SIKE1: variants seen among roughly 807,000 people sequenced by gnomAD.
SIKE1 encodes suppressor of IKK epsilon.
Under a neutral mutation model 25.8 loss-of-function variants are expected in SIKE1, and 13 were observed. That is an observed-to-expected ratio of 0.50 (90% confidence interval 0.33 to 0.80). The LOEUF (loss-of-function observed/expected upper bound fraction) is 0.80. Ranked by LOEUF, SIKE1 falls within the 30% of genes least tolerant of loss-of-function variation. The probability of loss-of-function intolerance (pLI) is 0.02; values close to 1 mark genes in which losing one functional copy is unlikely to be tolerated. For synonymous variants in SIKE1, 86 were observed against 95.5 expected (o/e 0.90, Z 0.58); for missense variants, 222 against 252.4 (o/e 0.88, Z 0.82).
Position 114,779,274 on chromosome 1 carries a change from A to T in SIKE1, c.276T>A (p.Ile92=). 1.9e-6 allele frequency: 3 copies of T among 1,614,126 alleles called. No individual in the cohort carries two copies. The highest frequency in any genetic ancestry group is 1.7e-5 in the Admixed American group (1 of 59,992). ...DLQQENRELW[I]SLEEHQDALE... is the part of the protein sequence containing the mutation. Reference sequence around the variant, plus strand: ...AAGCATCCTGGTGTTCCTCCAAGGAAATCCATAGCTCTGTCAAAAAATAAA... The same window carrying T: ...AAGCATCCTGGTGTTCCTCCAAGGATATCCATAGCTCTGTCAAAAAATAAA... Residue 92 remains isoleucine (I), a synonymous_variant, in exon 3 of 5, where the codon ATT becomes ATA. Transcript: ENST00000060969.
At position 114,780,200 on chromosome 1, in the gene SIKE1, A is replaced by T. The variant is rs762511760; in HGVS notation, c.175T>A (p.Ser59Thr). Residue 59 changes from serine to threonine, a missense_variant, in exon 2 of 5, where the codon TCC becomes ACC. Physicochemically the swap from Ser to Thr is moderately conservative, Grantham distance 58 (BLOSUM62 1). Transcript: ENST00000060969. ...TATTTGGACATGTCCTTCATATCGG[A>T]TGCATCCTCTTGATACTGGACAAAT... is the stretch of plus-strand genomic sequence containing the variant. ...ALPDQYQEDA[S>T]DMKDMSKYKP... 25 of 1,613,000 alleles carry T rather than the reference A, an allele frequency of 1.5e-5. No individual in the cohort carries two copies. Among genetic ancestry groups the T allele is most frequent in the Non-Finnish European group, 2.1e-5 (25 of 1,179,432 alleles).
Position 114,779,998 on chromosome 1 carries a change from G to A in SIKE1, c.265+112C>T, listed in dbSNP as rs1436155447. ...TATTGTTACTGGGCCAGATCAGGAG[G>A]ACTCTCCTACTAAAAGTACTGACCT... is the stretch of plus-strand genomic sequence containing the variant. On this transcript the variant is annotated intron_variant, in intron 2 of 4. Transcript: ENST00000060969. The A allele has an allele frequency of 9.9e-6, 7 of 709,492 alleles. No homozygotes were observed. In the East Asian group the frequency reaches 1.8e-4, roughly 18 times the overall value. 43.9% of individuals were successfully genotyped at this position (709,492 alleles called of 1,614,324 possible).
At position 114,776,397 on chromosome 1, in the gene SIKE1, C is replaced by G; in HGVS notation, c.471G>C (p.Gln157His). The G allele has an allele frequency of 1.2e-6, 2 of 1,613,836 alleles. No individual in the cohort carries two copies. Among genetic ancestry groups the G allele is most frequent in the Non-Finnish European group, 8.5e-7 (1 of 1,179,854 alleles). The change falls in exon 4 of 5, where the codon CAG (glutamine) becomes CAC (histidine). Residue 157 changes from glutamine to histidine, a missense_variant. Coordinates refer to ENST00000060969, the MANE Select transcript of SIKE1 (RefSeq NM_025073.3). ...TCTTACAAAACTGGTCATCATCCAC[C>G]TGAACTGCTTTCCTCATCACTTCTC... ...EMGEVMRKAV[Q>H]VDDDQFCKIQ...
chr1:114,780,463 C>T lies in SIKE1; in HGVS notation c.145G>A (p.Ala49Thr), dbSNP rs760317746. Residue 49 changes from alanine (A) to threonine (T), a missense_variant, in exon 1 of 5, where the codon GCG (alanine) becomes ACG (threonine). Ala to Thr is a moderately conservative substitution (Grantham distance 58). Coordinates refer to ENST00000060969, the MANE Select transcript of SIKE1 (RefSeq NM_025073.3). ...CTCTGCCTGACCTGGTCCGGAAGCG[C>T]TGTCCCCGCCTCCCGCATAGCTGCT... is the stretch of plus-strand genomic sequence containing the variant. ...RVAAMREAGTALPDQYQEDAS... is the reference protein window; with the variant it reads ...RVAAMREAGTTLPDQYQEDAS... The T allele has an allele frequency of 6.2e-6, 10 of 1,613,074 alleles. No homozygotes were observed. In the East Asian group the frequency reaches 2.0e-4, roughly 32 times the overall value.
intron 4 of SIKE1, among the ~76,000 whole-genome samples, chr1:114,776,050 T>C (rs1191721380): frequency 4.6e-5 from 7 of 152,214 alleles, no homozygotes; most frequent in Non-Finnish European, 8.8e-5. Flanking sequence ...TCACTTCTTA[T>C]TATGGCAGAT....
In SIKE1 at chr1:114,774,376, GAA is replaced by G; in HGVS notation, c.523-6_523-5del. On this transcript the variant is annotated splice_region_variant and splice_polypyrimidine_tract_variant and intron_variant, in intron 4 of 4. Coordinates refer to ENST00000060969, the MANE Select transcript of SIKE1 (RefSeq NM_025073.3). ...CTCGAAGTTCCTTATTTTCAAGCTG[GAA>G]AAAAAAAGGCATGTTTATTTCTGGT... 1 of 1,561,084 alleles carries G rather than the reference GAA, an allele frequency of 6.4e-7. No homozygotes were observed. Among genetic ancestry groups the G allele is most frequent in the Non-Finnish European group, 8.7e-7 (1 of 1,148,360 alleles).
intron 3 of SIKE1, 36 bp downstream of exon 3, chr1:114,779,106 A>G (rs201299264): frequency 6.2e-6 from 10 of 1,608,170 alleles, no homozygotes; most frequent in Non-Finnish European, 8.5e-6. Context: ...CAAGATTTCA[A>G]TTTGGTTCAT....
At chr1:114,780,057 G>A in intron 2 of SIKE1, 53 bp downstream of exon 2, 1 of 1,285,094 alleles carries the variant, frequency 7.8e-7, no homozygotes, top group Non-Finnish European at 1.1e-6. Flanking sequence ...AATGTTTAGG[G>A]CAATTTTGCA....
chr1:114,779,720 C>A (rs1046638822), intron 2 of SIKE1, among the ~76,000 whole-genome samples: 1 of 152,174 alleles, frequency 6.6e-6, no homozygotes, highest in African/African-American at 2.4e-5. Context: ...AGAATATATA[C>A]CCTTAGAATA....
rs1662020687 is a variant in SIKE1 at position 114,769,935 on chromosome 1, G to A, written c.*4336C>T. ...CATTTAAATATAAGTCCCAAATTAT[G>A]TATAAAGTGTTGATAAAATTTATAT... On this transcript the variant is annotated 3_prime_UTR_variant, in exon 5 of 5. Transcript: ENST00000060969. The A allele has an allele frequency of 6.6e-6, 1 of 152,172 alleles. No individual in the cohort carries two copies. Among genetic ancestry groups the A allele is most frequent in the Non-Finnish European group, 1.5e-5 (1 of 68,040 alleles). 9.4% of individuals were successfully genotyped at this position (152,172 alleles called of 1,614,324 possible).
intron 2 of SIKE1, 73 bp from the exon 3 acceptor site, chr1:114,779,357 A>G: frequency 6.7e-7 from 1 of 1,482,248 alleles, no homozygotes; most frequent in Non-Finnish European, 9.3e-7. Flanking sequence ...TAACAGTTGG[A>G]ATTTTGTAAC....
rs1662241617 is a variant in SIKE1 at position 114,776,456 on chromosome 1, T to A, written c.412A>T (p.Ile138Phe). Residue 138 changes from isoleucine (I) to phenylalanine (F), a missense_variant, in exon 4 of 5, where the codon ATT (isoleucine) becomes TTT (phenylalanine). Transcript: ENST00000060969. ...LKAHQSHSAE[I>F]ESQIDRICEM... ...CAGATTCTGTCAATCTGACTCTCAA[T>A]TTCCTGTGAAGATATTAAGGAAACA... The A allele has an allele frequency of 6.2e-7, 1 of 1,603,558 alleles. No homozygotes were observed. The highest frequency in any genetic ancestry group is 8.5e-7 in the Non-Finnish European group (1 of 1,170,716).
chr1:114,770,168 G>A lies in SIKE1; in HGVS notation c.*4103C>T, dbSNP rs1314243557. ...AATCCCAGCACTTTGGGAGGCCAAG[G>A]CGGGCGGATCACCTGAAGTCATAAG... On this transcript the variant is annotated 3_prime_UTR_variant, in exon 5 of 5. Transcript: ENST00000060969. The A allele has an allele frequency of 6.6e-6, 1 of 152,296 alleles. No homozygotes were observed. The highest frequency in any genetic ancestry group is 2.4e-5 in the African/African-American group (1 of 41,460). 9.4% of individuals were successfully genotyped at this position (152,296 alleles called of 1,614,324 possible). A position where few individuals can be genotyped will look rare whatever the true frequency, so the allele number is the denominator to read the frequency against.
intron 3 of SIKE1, among the ~76,000 whole-genome samples, chr1:114,776,666 C>CA (rs1205571231): frequency 7.0e-5 from 10 of 142,640 alleles, no homozygotes; most frequent in African/African-American, 2.4e-4. Flanking sequence ...TTTTTTCTTT[C>CA]AAAAAATCAA....
intron 1 of SIKE1, 73 bp from the exon 2 acceptor site, chr1:114,780,288 AG>A: frequency 6.5e-7 from 1 of 1,544,366 alleles, no homozygotes; most frequent in South Asian, 1.1e-5. Context: ...GGCAGAAGTT[AG>A]GGCTCCAGGG....
At chr1:114,776,218 G>T (rs1036631214) in intron 4 of SIKE1, 128 bp downstream of exon 4, 10 of 649,406 alleles carry the variant, frequency 1.5e-5, no homozygotes, top group South Asian at 3.7e-5. Context: ...TATGAAGGAG[G>T]AGTTTTAATT....
rs528775983 is a variant in SIKE1, at chr1:114,770,640, C to T, written c.*3631G>A. The T allele has an allele frequency of 6.6e-6, 1 of 152,306 alleles. No individual in the cohort carries two copies. Among genetic ancestry groups the T allele is most frequent in the East Asian group, 1.9e-4 (1 of 5,182 alleles). The allele number at this position is 152,306 out of a possible 1,614,324, so 9.4% of individuals were successfully genotyped here. A position where few individuals can be genotyped will look rare whatever the true frequency, so the allele number is the denominator to read the frequency against. The stretch of plus-strand genomic sequence containing the variant: ...TTCTTTAGGAGGAAGAAATGCTCTG[C>T]CTCATTAGGTGAGGGATTCCTTAAA... On this transcript the variant is annotated 3_prime_UTR_variant, in exon 5 of 5. Coordinates refer to ENST00000060969, the MANE Select transcript of SIKE1 (RefSeq NM_025073.3).
chr1:114,778,067 G>A (rs1662295875), intron 3 of SIKE1, among the ~76,000 whole-genome samples: 1 of 152,252 alleles, frequency 6.6e-6, no homozygotes, highest in Non-Finnish European at 1.5e-5. Context: ...CCAGATGAAA[G>A]CCATTCAAAT....
intron 3 of SIKE1, among the ~76,000 whole-genome samples, chr1:114,777,483 GT>G (rs1301298074): frequency 5.9e-5 from 9 of 152,190 alleles, no homozygotes; most frequent in Admixed American, 5.9e-4. Flanking sequence ...CCTTTGGTAT[GT>G]GAACATGGGG....
Sources: gnomAD v4.1 joint callset for allele counts (sites outside exome capture counted in the v4.1 genomes callset) on GRCh38, gnomAD v4.1.1 for gene constraint, MANE v1.5 for transcripts, NCBI Gene and HGNC (gene_info 2026-07-23, HGNC 2026-07-21) for gene names.